The following MELK variants were observed in gnomAD, a reference collection of about 807,000 sequenced individuals.
MELK encodes the protein maternal embryonic leucine zipper kinase.
Under a neutral mutation model 85.0 loss-of-function variants are expected in MELK, and 81 were observed. The observed-to-expected ratio is 0.95, with a 90% CI of 0.80 to 1.15. MELK has a LOEUF of 1.15. Among genes scored for constraint, MELK ranks in the 50% most tolerant of loss-of-function variants. MELK has a pLI of 0.00. For missense variants in MELK, 754 were observed against 777.5 expected (o/e 0.97, Z 0.36); for synonymous variants, 252 against 265.0 (o/e 0.95, Z 0.48).
chr9:36,596,980 C>T (rs1824356732), intron 5 of MELK, among the ~76,000 whole-genome samples: 1 of 152,112 alleles, frequency 6.6e-6, no homozygotes, highest in Non-Finnish European at 1.5e-5. Flanking sequence ...AACCTTAAAT[C>T]ATTTTTACTC....
At chr9:36,645,502 A>G (rs1361960771) in intron 11 of MELK, among the ~76,000 whole-genome samples, 1 of 152,148 alleles carries the variant, frequency 6.6e-6, no homozygotes, top group Non-Finnish European at 1.5e-5. Flanking sequence ...GACCAACATC[A>G]AGAATGTAGT....
At chr9:36,588,382 C>CA (rs1823170959) in intron 3 of MELK, among the ~76,000 whole-genome samples, 1 of 130,030 alleles carries the variant, frequency 7.7e-6, no homozygotes, top group African/African-American at 3.0e-5. Context: ...GAGTCCCTCC[C>CA]TTTTTTTTTT....
At chr9:36,659,999 A>G (rs761557284) in intron 13 of MELK, among the ~76,000 whole-genome samples, 1 of 152,088 alleles carries the variant, frequency 6.6e-6, no homozygotes, top group Admixed American at 6.6e-5. Flanking sequence ...AGGTTTCACC[A>G]TGTTGGTCAG....
At chr9:36,630,031 G>T in intron 8 of MELK, 2 of 294,198 alleles carry the variant, frequency 6.8e-6, no homozygotes, top group Non-Finnish European at 1.3e-5. Context: ...TTTTAGTAGA[G>T]ACAGTGTTTC....
intron 13 of MELK, among the ~76,000 whole-genome samples, chr9:36,660,570 C>T (rs1267918826): frequency 1.3e-5 from 2 of 152,034 alleles, no homozygotes; most frequent in African/African-American, 4.8e-5. Flanking sequence ...GATCCACCCG[C>T]GTTGGCCTCC....
intron 6 of MELK, among the ~76,000 whole-genome samples, chr9:36,597,912 G>C (rs568148920): frequency 6.6e-6 from 1 of 152,316 alleles, no homozygotes; most frequent in East Asian, 1.9e-4. Flanking sequence ...CTGCCTGTTG[G>C]AAGCTTCCTC....
chr9:36,665,502 G>A lies in MELK; in HGVS notation c.1329G>A (p.Glu443=). ...VKNEEYFMFP[E]PKTPVNKNQH... ...ATGAAGAGTACTTTATGTTTCCTGAGCCAAAGACTCCAGTTAATAAGAACC... is the reference window on the plus strand; with the variant it reads ...ATGAAGAGTACTTTATGTTTCCTGAACCAAAGACTCCAGTTAATAAGAACC... Residue 443 remains glutamate (E), a synonymous_variant, in exon 14 of 18, where the codon GAG becomes GAA. Transcript: ENST00000298048. 6.2e-7 allele frequency: 1 copy of A among 1,613,864 alleles called. No homozygotes were observed. Among genetic ancestry groups the A allele is most frequent in the Non-Finnish European group, 8.5e-7 (1 of 1,179,900 alleles).
intron 13 of MELK, among the ~76,000 whole-genome samples, chr9:36,661,498 TAAG>T (rs1177020881): frequency 2.0e-5 from 3 of 152,144 alleles, no homozygotes; most frequent in Non-Finnish European, 2.9e-5. Flanking sequence ...TCCTAAAGAA[TAAG>T]AAGATGGGAG....
intron 5 of MELK, 30 bp from the exon 6 acceptor site, chr9:36,597,192 A>G (rs1824379580): frequency 1.9e-6 from 3 of 1,571,252 alleles, no homozygotes; most frequent in Admixed American, 3.3e-5. Context: ...AAGTCAGTAT[A>G]CAGTTATCAA....
intron 17 of MELK, among the ~76,000 whole-genome samples, chr9:36,675,372 G>A (rs1833257373): frequency 6.6e-6 from 1 of 152,192 alleles, no homozygotes; most frequent in Admixed American, 6.5e-5. Context: ...AAGCTTTTGA[G>A]GTAGTGTTAT....
At chr9:36,637,915 A>G (rs998039406) in intron 10 of MELK, among the ~76,000 whole-genome samples, 11 of 152,222 alleles carry the variant, frequency 7.2e-5, no homozygotes, top group African/African-American at 2.4e-4. Context: ...TTGAGCAAAT[A>G]TAACATAATT....
At position 36,596,581 on chromosome 9, in the gene MELK, GTTTTTTTTGT is replaced by G. The variant is rs746873022; in HGVS notation, c.406-632_406-623del. Among the ~76,000 whole-genome samples the G allele has an allele frequency of 4.1e-3, 403 of 98,408 alleles. 2 individuals carry two copies. Among genetic ancestry groups the G allele is most frequent in the Middle Eastern group, 0.02 (3 of 152 alleles). 64.6% of individuals were successfully genotyped at this position (98,408 alleles called of 152,430 possible). ...CCTTTTTGTTTTTTTTGTTTTTTTT[GTTTTTTTTGT>G]TTTTTTTTTTTTGAGATGGAGTTTC... On this transcript the variant is annotated intron_variant, in intron 5 of 17. Coordinates refer to ENST00000298048, the MANE Select transcript of MELK (RefSeq NM_014791.4).
intron 1 of MELK, among the ~76,000 whole-genome samples, chr9:36,577,085 G>C (rs920936643): frequency 9.9e-5 from 15 of 152,056 alleles, no homozygotes; most frequent in Admixed American, 7.2e-4. Context: ...TCACACTCTA[G>C]GTCTTCCAAA....
intron 8 of MELK, among the ~76,000 whole-genome samples, chr9:36,620,620 G>GGCTCACT (rs1827304482): frequency 7.2e-6 from 1 of 139,366 alleles, no homozygotes; most frequent in Admixed American, 7.9e-5. Flanking sequence ...CGTGATTATT[G>GGCTCACT]GCTCACTGCA....
At position 36,622,182 on chromosome 9, in the gene MELK, T is replaced by C. The variant is rs548077974; in HGVS notation, c.667-8117T>C. On this transcript the variant is annotated intron_variant, in intron 8 of 17. Coordinates refer to ENST00000298048, the MANE Select transcript of MELK (RefSeq NM_014791.4). ...GAAAATTGATTCAAATTAGGACTTTTATGCATTATTGTGGAATTTAATTTC... is the reference window on the plus strand; with the variant it reads ...GAAAATTGATTCAAATTAGGACTTTCATGCATTATTGTGGAATTTAATTTC... 4.2e-4 allele frequency among the ~76,000 whole-genome samples: 64 copies of C among 152,364 alleles called. 1 individual carries two copies. The highest frequency in any genetic ancestry group is 1.5e-3 in the African/African-American group (63 of 41,594).
At chr9:36,611,580 A>G (rs1826057233) in intron 8 of MELK, among the ~76,000 whole-genome samples, 1 of 152,046 alleles carries the variant, frequency 6.6e-6, no homozygotes, top group Admixed American at 6.6e-5. Flanking sequence ...TGAAATTCAG[A>G]AGCTTCAGAA....
intron 8 of MELK, among the ~76,000 whole-genome samples, chr9:36,613,183 A>G (rs1826219305): frequency 6.6e-6 from 1 of 152,010 alleles, no homozygotes. Flanking sequence ...ATTTGTACTT[A>G]CCCTTTCACC....
At chr9:36,652,955 G>A (rs566456794) in intron 12 of MELK, among the ~76,000 whole-genome samples, 25 of 151,988 alleles carry the variant, frequency 1.6e-4, no homozygotes, top group African/African-American at 5.3e-4. Flanking sequence ...CTGTGATATG[G>A]AATATATAAT....
At chr9:36,608,429 A>ATG (rs1220629833) in intron 8 of MELK, among the ~76,000 whole-genome samples, 5 of 151,376 alleles carry the variant, frequency 3.3e-5, no homozygotes, top group Non-Finnish European at 7.4e-5. Flanking sequence ...ATATATATAT[A>ATG]TATATGGAAA....
Sources: allele counts gnomAD v4.1 joint callset (sites outside exome capture counted in the v4.1 genomes callset), GRCh38; gene constraint gnomAD v4.1.1; transcripts MANE v1.5; gene names NCBI Gene and HGNC (gene_info 2026-07-23, HGNC 2026-07-21).